Variants in LINGO2 observed in about 807,000 individuals in gnomAD.
LINGO2 encodes the protein leucine-rich repeat and immunoglobulin-like domain-containing nogo receptor-interacting protein 2.
In LINGO2, 14 loss-of-function variants were observed where a neutral mutation model predicts 30.6. The observed-to-expected ratio is 0.46, with a 90% confidence interval of 0.30 to 0.72. LINGO2 has a LOEUF of 0.72. LINGO2 is among the 30% of genes least tolerant of loss of function. The pLI is 0.07. For synonymous variants in LINGO2, 317 were observed against 288.5 expected (o/e 1.10, Z -1.00); for missense variants, 729 against 751.7 (o/e 0.97, Z 0.35).
chr9:28,726,121 T>A, the LINGO2 span, among the ~76,000 whole-genome samples: 1 of 152,182 alleles, frequency 6.6e-6, no homozygotes, highest in Non-Finnish European at 1.5e-5. Flanking sequence ...TGAGCCCTCA[T>A]AATGTGGTAC....
intron 1 of LINGO2, among the ~76,000 whole-genome samples, chr9:28,518,643 T>C (rs1157661606): frequency 1.3e-5 from 2 of 152,222 alleles, no homozygotes; most frequent in African/African-American, 4.8e-5. Context: ...CTTATTAACA[T>C]AACTCATCTT....
the LINGO2 span, among the ~76,000 whole-genome samples, chr9:28,878,798 C>A: frequency 3.3e-5 from 5 of 152,102 alleles, no homozygotes; most frequent in Non-Finnish European, 5.9e-5. Flanking sequence ...ACCCTTCATG[C>A]TAAAAACTCT....
chr9:29,083,523 T>C, the LINGO2 span, among the ~76,000 whole-genome samples: 2 of 151,900 alleles, frequency 1.3e-5, no homozygotes, highest in Admixed American at 6.6e-5. Flanking sequence ...ATGGCACATG[T>C]ATACATATGT....
At chr9:29,141,531 A>G in the LINGO2 span, among the ~76,000 whole-genome samples, 1 of 151,930 alleles carries the variant, frequency 6.6e-6, no homozygotes, top group Middle Eastern at 3.2e-3. Flanking sequence ...GACAGAAAAC[A>G]ATTAAGAAAA....
chr9:28,294,377 T>C (rs1823850223), intron 4 of LINGO2, among the ~76,000 whole-genome samples: 1 of 152,182 alleles, frequency 6.6e-6, no homozygotes, highest in African/African-American at 2.4e-5. Flanking sequence ...CTTTTTTCCG[T>C]TTCTATACTT....
At chr9:28,733,213 G>A in the LINGO2 span, among the ~76,000 whole-genome samples, 3 of 151,852 alleles carry the variant, frequency 2.0e-5, no homozygotes, top group Non-Finnish European at 4.4e-5. Flanking sequence ...GGTGTCTGGA[G>A]GGGGGTAAAA....
At chr9:28,163,155 A>G (rs1038968508) in intron 4 of LINGO2, among the ~76,000 whole-genome samples, 8 of 152,174 alleles carry the variant, frequency 5.3e-5, no homozygotes, top group Non-Finnish European at 1.2e-4. Context: ...TAATCAGAGG[A>G]GCAAGAAACT....
chr9:28,513,380 G>A (rs1193492379), intron 1 of LINGO2, among the ~76,000 whole-genome samples: 1 of 152,140 alleles, frequency 6.6e-6, no homozygotes, highest in East Asian at 1.9e-4. Context: ...CACAATATCT[G>A]AAATCTACAT....
At chr9:28,854,352 TAA>T in the LINGO2 span, among the ~76,000 whole-genome samples, 1 of 152,044 alleles carries the variant, frequency 6.6e-6, no homozygotes, top group African/African-American at 2.4e-5. Context: ...TCTTGAATGC[TAA>T]GTTATAGAAA....
intron 2 of LINGO2, among the ~76,000 whole-genome samples, chr9:28,398,149 G>C (rs1822129193): frequency 6.6e-6 from 1 of 152,162 alleles, no homozygotes; most frequent in African/African-American, 2.4e-5. Context: ...GAACTGGACA[G>C]AAATTATCTG....
chr9:28,063,693 ACAAT>A (rs1352789531), intron 4 of LINGO2, among the ~76,000 whole-genome samples: 1 of 152,032 alleles, frequency 6.6e-6, no homozygotes, highest in Non-Finnish European at 1.5e-5. Flanking sequence ...CCACTCTCAA[ACAAT>A]CAGTCTTTCT....
intron 3 of LINGO2, among the ~76,000 whole-genome samples, chr9:28,357,920 C>G (rs1302372394): frequency 2.6e-5 from 4 of 151,844 alleles, no homozygotes; most frequent in South Asian, 2.1e-4. Context: ...TCAAATAAAT[C>G]CAACAATTTA....
chr9:28,025,747 C>T (rs150556737), intron 4 of LINGO2, among the ~76,000 whole-genome samples: 1 of 152,292 alleles, frequency 6.6e-6, no homozygotes, highest in East Asian at 1.9e-4. Context: ...TGAAGAGAGA[C>T]ATCAGGGTAG....
the LINGO2 span, among the ~76,000 whole-genome samples, chr9:29,089,484 G>A: frequency 2.6e-5 from 4 of 151,942 alleles, no homozygotes. Context: ...ACAAGGAAAC[G>A]ATGCACACAA....
chr9:28,018,624 A>T (rs1822959345), intron 4 of LINGO2, among the ~76,000 whole-genome samples: 1 of 152,212 alleles, frequency 6.6e-6, no homozygotes, highest in South Asian at 2.1e-4. Flanking sequence ...GGGAAATGCA[A>T]ATACAAACCA....
In LINGO2 at chr9:28,073,501, G is replaced by T. The variant is rs117712944; in HGVS notation, c.-86-61096C>A. ...TTCCATAACTATGACTTCTTAGTGG[G>T]AATTAACCCTTTAAGTCTTGAAAGC... is the stretch of plus-strand genomic sequence containing the variant. On this transcript the variant is annotated intron_variant, in intron 4 of 5. Transcript: ENST00000379992. 4.7e-3 allele frequency among the ~76,000 whole-genome samples: 711 copies of T among 152,214 alleles called. 4 individuals carry two copies. The highest frequency in any genetic ancestry group is 8.1e-3 in the Non-Finnish European group (553 of 68,004).
chr9:28,292,291 A>C (rs1408241340), intron 4 of LINGO2, among the ~76,000 whole-genome samples: 2 of 152,118 alleles, frequency 1.3e-5, no homozygotes, highest in African/African-American at 4.8e-5. Flanking sequence ...CTCATCTCTA[A>C]CATGAGGATA....
chr9:29,059,701 C>T, the LINGO2 span, among the ~76,000 whole-genome samples: 7,127 of 151,932 alleles, frequency 0.047, 232 homozygotes, highest in East Asian at 0.11. Flanking sequence ...CAACCCACAT[C>T]GTATGGAAAA....
At chr9:29,213,157 A>C in the LINGO2 span, among the ~76,000 whole-genome samples, 4 of 152,258 alleles carry the variant, frequency 2.6e-5, no homozygotes, top group South Asian at 6.2e-4. Flanking sequence ...GAAGCCTCCC[A>C]GCCCCTCCTG....
Sources: allele counts gnomAD v4.1 joint callset (sites outside exome capture counted in the v4.1 genomes callset), GRCh38; gene constraint gnomAD v4.1.1; transcripts MANE v1.5; gene names NCBI Gene and HGNC (gene_info 2026-07-23, HGNC 2026-07-21).